STXBP5L: variants seen among roughly 807,000 people sequenced by gnomAD.
STXBP5L encodes syntaxin-binding protein 5-like.
STXBP5L carries 65 observed loss-of-function variants against 144.5 expected under a neutral mutation model. That is an observed-to-expected ratio of 0.45 (90% confidence interval 0.37 to 0.55). The LOEUF (loss-of-function observed/expected upper bound fraction) is 0.55, where lower values mean the gene tolerates loss of function less well. Ranked by LOEUF, STXBP5L falls within the 20% of genes least tolerant of loss-of-function variation. STXBP5L has a pLI of 0.00. For synonymous variants in STXBP5L, 505 were observed against 469.6 expected (o/e 1.08, Z -0.97); for missense variants, 1,298 against 1,405.5 (o/e 0.92, Z 1.22).
At chr3:121,086,594 A>G (rs961212339) in intron 5 of STXBP5L, among the ~76,000 whole-genome samples, 1 of 152,084 alleles carries the variant, frequency 6.6e-6, no homozygotes, top group Non-Finnish European at 1.5e-5. Context: ...CTTATCCAAA[A>G]TGTTTGAGAC....
intron 3 of STXBP5L, among the ~76,000 whole-genome samples, chr3:120,963,694 T>C (rs1939168392): frequency 6.6e-6 from 1 of 152,240 alleles, no homozygotes; most frequent in Non-Finnish European, 1.5e-5. Flanking sequence ...TTGAGGATTT[T>C]TGCAGCAATA....
intron 5 of STXBP5L, among the ~76,000 whole-genome samples, chr3:121,104,032 G>T (rs1470538359): frequency 6.6e-6 from 1 of 152,134 alleles, no homozygotes; most frequent in Non-Finnish European, 1.5e-5. Flanking sequence ...ATATGTGTCT[G>T]TAGCATCTAC....
At chr3:121,069,001 C>CGT (rs150043167) in intron 5 of STXBP5L, among the ~76,000 whole-genome samples, 18 of 151,524 alleles carry the variant, frequency 1.2e-4, no homozygotes, top group Admixed American at 4.6e-4. Context: ...TACATGCACT[C>CGT]GTGTGTGTGT....
chr3:121,267,245 G>A (rs2108407759), intron 18 of STXBP5L, among the ~76,000 whole-genome samples: 1 of 152,276 alleles, frequency 6.6e-6, no homozygotes, highest in East Asian at 1.9e-4. Context: ...CAAGTTCTCA[G>A]AAATAACACC....
chr3:121,112,023 G>T (rs943313528), intron 5 of STXBP5L, among the ~76,000 whole-genome samples: 4 of 152,136 alleles, frequency 2.6e-5, no homozygotes, highest in African/African-American at 4.8e-5. Context: ...CACCACAGCC[G>T]CTGTGCTACA....
At chr3:121,017,389 A>T (rs923560361) in intron 3 of STXBP5L, among the ~76,000 whole-genome samples, 4 of 152,232 alleles carry the variant, frequency 2.6e-5, no homozygotes, top group African/African-American at 7.2e-5. Context: ...CAAGGTAAGG[A>T]TGTATCCCCA....
chr3:120,908,675 G>C (rs1213112577), intron 1 of STXBP5L, among the ~76,000 whole-genome samples: 1 of 151,418 alleles, frequency 6.6e-6, no homozygotes, highest in Non-Finnish European at 1.5e-5. Context: ...AGGCTGAGGC[G>C]GGACTCGGGC....
chr3:121,244,448 G>A (rs532163098), intron 14 of STXBP5L, among the ~76,000 whole-genome samples: 4 of 151,648 alleles, frequency 2.6e-5, no homozygotes, highest in South Asian at 2.1e-4. Flanking sequence ...AAGAAGGGGC[G>A]GGGAGAGAGA....
chr3:120,942,360 A>G (rs1266946990), intron 2 of STXBP5L, among the ~76,000 whole-genome samples: 1 of 151,622 alleles, frequency 6.6e-6, no homozygotes, highest in Non-Finnish European at 1.5e-5. Flanking sequence ...GTAGTATTCA[A>G]TAAACATTGA....
At chr3:120,910,579 T>C (rs1191331242) in intron 2 of STXBP5L, among the ~76,000 whole-genome samples, 1 of 152,184 alleles carries the variant, frequency 6.6e-6, no homozygotes, top group Non-Finnish European at 1.5e-5. Flanking sequence ...CTAAGTTATT[T>C]ATGTCATATA....
At chr3:121,372,808 G>A (rs1050808981) in intron 20 of STXBP5L, among the ~76,000 whole-genome samples, 5 of 151,928 alleles carry the variant, frequency 3.3e-5, no homozygotes, top group African/African-American at 7.3e-5. Context: ...TTCAATCTAT[G>A]CTTCTATTTC....
At chr3:121,117,112 T>C (rs2044263525) in intron 6 of STXBP5L, among the ~76,000 whole-genome samples, 1 of 151,912 alleles carries the variant, frequency 6.6e-6, no homozygotes, top group Non-Finnish European at 1.5e-5. Flanking sequence ...AATGTGTTTA[T>C]ATAGTCTATA....
chr3:120,980,803 A>G (rs1032030286), intron 3 of STXBP5L, among the ~76,000 whole-genome samples: 4 of 152,126 alleles, frequency 2.6e-5, no homozygotes, highest in East Asian at 1.9e-4. Flanking sequence ...TATAAGTTCT[A>G]TAAGTTTTTT....
chr3:121,242,885 A>G (rs1368397669), intron 14 of STXBP5L, among the ~76,000 whole-genome samples: 3 of 152,198 alleles, frequency 2.0e-5, no homozygotes, highest in Non-Finnish European at 4.4e-5. Context: ...CTTTACAACA[A>G]TATGTGGTCC....
intron 3 of STXBP5L, among the ~76,000 whole-genome samples, chr3:120,991,661 A>T (rs1367958389): frequency 1.3e-5 from 2 of 152,208 alleles, no homozygotes. Flanking sequence ...ATAAAAAATG[A>T]TGAGTTCATG....
At chr3:121,164,193 G>A (rs2046420678) in intron 9 of STXBP5L, among the ~76,000 whole-genome samples, 1 of 152,018 alleles carries the variant, frequency 6.6e-6, no homozygotes, top group South Asian at 2.1e-4. Flanking sequence ...TGAAGGATCT[G>A]AATACACATT....
chr3:120,970,323 C>T (rs1345787167), intron 3 of STXBP5L, among the ~76,000 whole-genome samples: 1 of 151,936 alleles, frequency 6.6e-6, no homozygotes. Flanking sequence ...CACTAGTGCC[C>T]ATTTATTTTA....
At chr3:121,058,918 G>A (rs1367185302) in intron 5 of STXBP5L, among the ~76,000 whole-genome samples, 3 of 152,008 alleles carry the variant, frequency 2.0e-5, no homozygotes, top group African/African-American at 2.4e-5. Flanking sequence ...CCCATTCTGT[G>A]GGTTGCCTGT....
chr3:121,026,910 G>A (rs1239406807), intron 3 of STXBP5L, among the ~76,000 whole-genome samples: 2 of 151,668 alleles, frequency 1.3e-5, no homozygotes, highest in East Asian at 3.9e-4. Flanking sequence ...ATTCCAAGCA[G>A]CCCTCACTTC....
Sources: allele counts gnomAD v4.1 joint callset (sites outside exome capture counted in the v4.1 genomes callset), GRCh38; gene constraint gnomAD v4.1.1; transcripts MANE v1.5; gene names NCBI Gene and HGNC (gene_info 2026-07-23, HGNC 2026-07-21).